The following SIRPD variants were observed in gnomAD, a reference collection of about 807,000 sequenced individuals.
SIRPD encodes the protein signal regulatory protein delta, also known as signal-regulatory protein delta.
In SIRPD, 21 loss-of-function variants were observed where a neutral mutation model predicts 18.0. The observed-to-expected ratio is 1.17, with a 90% CI of 0.83 to 1.68. The LOEUF is 1.68. SIRPD is among the 40% of genes most tolerant of loss of function. SIRPD has a pLI of 0.00. For synonymous variants in SIRPD, 106 were observed against 92.9 expected, an observed-to-expected ratio of 1.14 and a Z score of -0.81; for missense variants, 295 against 238.4, an observed-to-expected ratio of 1.24 and a Z score of -1.56.
At chr20:1,544,241 G>A (rs953366651) in intron 2 of SIRPD, among the ~76,000 whole-genome samples, 10 of 152,248 alleles carry the variant, frequency 6.6e-5, no homozygotes, top group East Asian at 5.8e-4. Context: ...TTGTGTGGGT[G>A]TCTAAATGTC....
At chr20:1,543,493 T>C (rs2123127096) in intron 2 of SIRPD, among the ~76,000 whole-genome samples, 1 of 152,324 alleles carries the variant, frequency 6.6e-6, no homozygotes, top group East Asian at 1.9e-4. Context: ...TCATTTTTTA[T>C]TGTGTCTATT....
At chr20:1,544,939 G>T (rs1175567602) in intron 2 of SIRPD, among the ~76,000 whole-genome samples, 1 of 152,058 alleles carries the variant, frequency 6.6e-6, no homozygotes, top group African/African-American at 2.4e-5. Flanking sequence ...GTTGAATGTT[G>T]GTCCTCACTC....
chr20:1,543,212 A>C (rs2090979633), intron 2 of SIRPD, among the ~76,000 whole-genome samples: 1 of 152,202 alleles, frequency 6.6e-6, no homozygotes, highest in Non-Finnish European at 1.5e-5. Flanking sequence ...GAATGGTATC[A>C]GCTCCTCTTG....
At chr20:1,540,407 A>G (rs1164588377) in intron 2 of SIRPD, 1 of 439,458 alleles carries the variant, frequency 2.3e-6, no homozygotes, top group African/African-American at 2.0e-5. Context: ...TTTAAAATGT[A>G]CAATTCAATA....
chr20:1,551,659 C>T (rs1469063824), intron 2 of SIRPD, 32 bp downstream of exon 2: 10 of 1,522,834 alleles, frequency 6.6e-6, no homozygotes, highest in South Asian at 1.2e-5. Flanking sequence ...TATTATACAC[C>T]AGGGGGTATG....
At chr20:1,547,440 A>G (rs2090998340) in intron 2 of SIRPD, among the ~76,000 whole-genome samples, 1 of 152,076 alleles carries the variant, frequency 6.6e-6, no homozygotes, top group African/African-American at 2.4e-5. Flanking sequence ...ATTTATTTTT[A>G]GAGATGAGAT....
At chr20:1,557,546 A>T (rs767956116) in intron 1 of SIRPD, 35 bp downstream of exon 1, 10 of 1,467,616 alleles carry the variant, frequency 6.8e-6, no homozygotes, top group Non-Finnish European at 9.1e-6. Flanking sequence ...CAGAGGGGAG[A>T]ACCCACCACA....
intron 1 of SIRPD, 59 bp from the exon 2 acceptor site, chr20:1,552,097 G>GCTTAA: frequency 7.0e-7 from 1 of 1,421,166 alleles, no homozygotes; most frequent in Non-Finnish European, 9.7e-7. Context: ...GCATGGGTAC[G>GCTTAA]GGTCACGGTT....
At chr20:1,538,964 A>G (rs900842247) in intron 2 of SIRPD, among the ~76,000 whole-genome samples, 1 of 152,176 alleles carries the variant, frequency 6.6e-6, no homozygotes, top group South Asian at 2.1e-4. Context: ...GTGTTTTGCT[A>G]TGCAGCAGTA....
chr20:1,545,959 G>A (rs2123133736), intron 2 of SIRPD, among the ~76,000 whole-genome samples: 1 of 152,342 alleles, frequency 6.6e-6, no homozygotes, highest in African/African-American at 2.4e-5. Context: ...CTGCAGAACA[G>A]CAAAGATTGC....
In SIRPD at chr20:1,534,307, G is replaced by A; in HGVS notation, c.*118C>T. The A allele has an allele frequency of 7.1e-7, 1 of 1,399,198 alleles. No homozygotes were observed. The highest frequency in any genetic ancestry group is 9.9e-7 in the Non-Finnish European group (1 of 1,007,308). 86.7% of individuals were successfully genotyped at this position (1,399,198 alleles called of 1,614,324 possible). A position where few individuals can be genotyped will look rare whatever the true frequency, so the allele number is the denominator to read the frequency against. On this transcript the variant is annotated 3_prime_UTR_variant, in exon 4 of 4. Transcript: ENST00000381623. ...ACGATCAAGCTGGCATTTTATGTCAGTGGAAGAAAGCTCTCTTGAAGAAGG... is the reference window on the plus strand; with the variant it reads ...ACGATCAAGCTGGCATTTTATGTCAATGGAAGAAAGCTCTCTTGAAGAAGG...
At chr20:1,555,904 T>C (rs1384093263) in intron 1 of SIRPD, among the ~76,000 whole-genome samples, 1 of 152,206 alleles carries the variant, frequency 6.6e-6, no homozygotes. Flanking sequence ...CTGGGCTGTG[T>C]TCTCATCTGG....
At chr20:1,543,508 T>C (rs982364220) in intron 2 of SIRPD, among the ~76,000 whole-genome samples, 1 of 152,172 alleles carries the variant, frequency 6.6e-6, no homozygotes, top group Admixed American at 6.5e-5. Context: ...TCTATTTGAT[T>C]CTTCTCTCTT....
intron 1 of SIRPD, among the ~76,000 whole-genome samples, chr20:1,556,605 C>G (rs941910175): frequency 5.9e-5 from 9 of 152,246 alleles, no homozygotes; most frequent in Admixed American, 5.9e-4. Context: ...GAGGTGGGTG[C>G]TAATCCAATA....
intron 2 of SIRPD, among the ~76,000 whole-genome samples, chr20:1,545,945 G>T (rs891662868): frequency 6.6e-6 from 1 of 152,204 alleles, no homozygotes; most frequent in Admixed American, 6.5e-5. Context: ...ATCACCAGTG[G>T]AGACTGCAGA....
At chr20:1,550,394 G>A (rs574858957) in intron 2 of SIRPD, among the ~76,000 whole-genome samples, 1 of 152,156 alleles carries the variant, frequency 6.6e-6, no homozygotes, top group Non-Finnish European at 1.5e-5. Context: ...TTCCACCTTG[G>A]TTGTAAGATG....
At chr20:1,537,100 G>A (rs1321084105) in intron 3 of SIRPD, 55 bp downstream of exon 3, 15 of 1,579,722 alleles carry the variant, frequency 9.5e-6, no homozygotes, top group Middle Eastern at 1.7e-4. Context: ...TGGTACCGCC[G>A]CCAAACTCAG....
Position 1,546,053 on chromosome 20 carries a change from C to T in SIRPD, c.421+5638G>A, listed in dbSNP as rs1377014308. 3.3e-5 allele frequency among the ~76,000 whole-genome samples: 5 copies of T among 152,202 alleles called. No homozygotes were observed. In the East Asian group the frequency reaches 5.8e-4, roughly 18 times the overall value. ...GAGCTCTCCTGTATGAGGTGTCTGT[C>T]GACCCCTGCTGGGAGGTGTCTCCCC... On this transcript the variant is annotated intron_variant, in intron 2 of 3. Coordinates refer to ENST00000381623, the MANE Select transcript of SIRPD (RefSeq NM_178460.3).
chr20:1,534,433 A>G lies in SIRPD; in HGVS notation c.586T>C (p.Ser196Pro), dbSNP rs960534801. ...LRLLGLTGLL[S>P]K ...TTCCTTCCCTGTTTGGATTATTTTG[A>G]CAGCAAGCCTGAAATACAATAAAAA... is the stretch of plus-strand genomic sequence containing the variant. Residue 196 changes from serine to proline, a missense_variant, in exon 4 of 4, where the codon TCA becomes CCA. By Grantham distance (74) the Ser-to-Pro change is moderately conservative (BLOSUM62 -1). Coordinates refer to ENST00000381623, the MANE Select transcript of SIRPD (RefSeq NM_178460.3). The G allele has an allele frequency of 5.0e-6, 8 of 1,612,404 alleles. 1 individual carries two copies. Among genetic ancestry groups the G allele is most frequent in the Non-Finnish European group, 6.8e-6 (8 of 1,179,588 alleles).
Sources: allele counts gnomAD v4.1 joint callset (sites outside exome capture counted in the v4.1 genomes callset), GRCh38; gene constraint gnomAD v4.1.1; transcripts MANE v1.5; gene names NCBI Gene and HGNC (gene_info 2026-07-23, HGNC 2026-07-21).